The following PRR14L variants were observed in gnomAD, a reference collection of about 807,000 sequenced individuals.
PRR14L encodes protein PRR14L.
In PRR14L, 80 loss-of-function variants were observed where a neutral mutation model predicts 155.0. The ratio of observed to expected loss-of-function variants is 0.52; its 90% CI spans 0.43 to 0.62. PRR14L has a LOEUF of 0.62. PRR14L is among the 20% of genes least tolerant of loss of function. The probability of loss-of-function intolerance (pLI) is 0.00; values close to 1 mark genes in which losing one functional copy is unlikely to be tolerated. For synonymous variants in PRR14L, 883 were observed against 916.0 expected, an observed-to-expected ratio of 0.96 and a Z score of 0.65; for missense variants, 2,469 against 2,548.0, an observed-to-expected ratio of 0.97 and a Z score of 0.67.
Position 31,750,072 on chromosome 22 carries a change from C to T in PRR14L, c.-131G>A, listed in dbSNP as rs1447326003. The T allele has an allele frequency of 1.3e-5, 2 of 152,884 alleles. No individual in the cohort carries two copies. Among genetic ancestry groups the T allele is most frequent in the East Asian group, 3.8e-4 (2 of 5,216 alleles). 9.5% of individuals were successfully genotyped at this position (152,884 alleles called of 1,614,324 possible). A position where few individuals can be genotyped will look rare whatever the true frequency, so the allele number is the denominator to read the frequency against. The stretch of plus-strand genomic sequence containing the variant: ...GCAGCCCCGTCGTCGCCAGGTCTAC[C>T]TGAGCCTACGGAGCCGACAGAGGCC... On this transcript the variant is annotated 5_prime_UTR_variant, in exon 1 of 9. Transcript: ENST00000327423.
chr22:31,745,523 A>G (rs2074832968), intron 1 of PRR14L, among the ~76,000 whole-genome samples: 1 of 152,120 alleles, frequency 6.6e-6, no homozygotes. Context: ...CCTGAATGCA[A>G]TGGAGCAATC....
chr22:31,735,440 C>CAAA (rs11443258), intron 2 of PRR14L, among the ~76,000 whole-genome samples: 7 of 105,226 alleles, frequency 6.7e-5, no homozygotes, highest in Non-Finnish European at 4.1e-5. Flanking sequence ...GAATCTGTCT[C>CAAA]AAAAAAAAAA....
intron 2 of PRR14L, among the ~76,000 whole-genome samples, chr22:31,729,281 C>T (rs1027496168): frequency 3.3e-5 from 5 of 152,164 alleles, no homozygotes; most frequent in African/African-American, 7.2e-5. Context: ...GCACAACCTC[C>T]GCTCACTGCA....
chr22:31,708,995 G>T (rs2074606562), intron 4 of PRR14L, among the ~76,000 whole-genome samples: 1 of 151,710 alleles, frequency 6.6e-6, no homozygotes, highest in African/African-American at 2.4e-5. Context: ...GGCTAATTTT[G>T]TATTTTTAGT....
intron 3 of PRR14L, among the ~76,000 whole-genome samples, chr22:31,720,568 A>G (rs1157276274): frequency 6.6e-6 from 1 of 152,084 alleles, no homozygotes; most frequent in Non-Finnish European, 1.5e-5. Context: ...CCTTATCTCT[A>G]CTAAAAATAC....
In PRR14L at chr22:31,685,485, C is replaced by CA. The variant is rs757835522; in HGVS notation, c.*41dup. 3 of 1,359,614 alleles carry CA rather than the reference C, an allele frequency of 2.2e-6. No individual in the cohort carries two copies. Among genetic ancestry groups the CA allele is most frequent in the African/African-American group, 1.5e-5 (1 of 66,752 alleles). 84.2% of individuals were successfully genotyped at this position (1,359,614 alleles called of 1,614,324 possible). ...AAAAAAACCCAAAAACAAAACAAAA[C>CA]AAAAAAACCCTAAAATTGAGACCCT... On this transcript the variant is annotated 3_prime_UTR_variant, in exon 9 of 9. Coordinates refer to ENST00000327423, the MANE Select transcript of PRR14L (RefSeq NM_173566.3).
At chr22:31,711,032 T>G (rs1281580816) in intron 4 of PRR14L, among the ~76,000 whole-genome samples, 1 of 152,198 alleles carries the variant, frequency 6.6e-6, no homozygotes, top group African/African-American at 2.4e-5. Context: ...AAAAATATAT[T>G]TATTCTGTGT....
At chr22:31,697,613 T>G (rs914520282) in intron 7 of PRR14L, among the ~76,000 whole-genome samples, 1 of 152,010 alleles carries the variant, frequency 6.6e-6, no homozygotes, top group Non-Finnish European at 1.5e-5. Context: ...CACCAGTAAT[T>G]TGGGCACTTT....
rs2074630204 is a variant in PRR14L, at chr22:31,712,649, G to A, written c.5190C>T (p.Cys1730=). ...SFHVKSSSSD[C]TTESSRTFPE... is the part of the protein sequence containing the mutation. ...GAAAAGTCCTTGAGGACTCAGTCGTGCAATCTGAGCTGGATGATTTCACAT... is the reference window on the plus strand; with the variant it reads ...GAAAAGTCCTTGAGGACTCAGTCGTACAATCTGAGCTGGATGATTTCACAT... The change falls in exon 4 of 9, where the codon TGC becomes TGT. Residue 1730 remains cysteine (C), a synonymous_variant. Transcript: ENST00000327423. 6.4e-7 allele frequency: 1 copy of A among 1,551,674 alleles called. No individual in the cohort carries two copies. Among genetic ancestry groups the A allele is most frequent in the South Asian group, 1.2e-5 (1 of 84,070 alleles).
chr22:31,728,370 T>A (rs1385353305), intron 2 of PRR14L, among the ~76,000 whole-genome samples: 3 of 152,170 alleles, frequency 2.0e-5, no homozygotes, highest in Non-Finnish European at 4.4e-5. Context: ...CCCAGCACTT[T>A]GGGAGGCCGA....
chr22:31,707,209 T>C (rs1385442378), intron 4 of PRR14L, among the ~76,000 whole-genome samples: 1 of 151,756 alleles, frequency 6.6e-6, no homozygotes, highest in African/African-American at 2.4e-5. Flanking sequence ...AATAAAAAGC[T>C]AGAAATAGGG....
intron 1 of PRR14L, among the ~76,000 whole-genome samples, chr22:31,746,636 T>C (rs1041073961): frequency 9.2e-5 from 14 of 152,218 alleles, no homozygotes; most frequent in African/African-American, 3.1e-4. Flanking sequence ...ATAAGTACTA[T>C]ATTAGAATGT....
At chr22:31,744,403 G>A (rs2074827484) in intron 1 of PRR14L, among the ~76,000 whole-genome samples, 2 of 152,106 alleles carry the variant, frequency 1.3e-5, no homozygotes, top group Admixed American at 6.5e-5. Context: ...AAAGTGCTGG[G>A]ATTACAGGCG....
intron 1 of PRR14L, among the ~76,000 whole-genome samples, chr22:31,740,528 A>C (rs980544658): frequency 1.3e-5 from 2 of 151,694 alleles, no homozygotes; most frequent in African/African-American, 4.8e-5. Context: ...ACACCTGGCT[A>C]ATTTTTTTTT....
chr22:31,690,762 C>A (rs888018237), intron 7 of PRR14L, among the ~76,000 whole-genome samples: 4 of 151,550 alleles, frequency 2.6e-5, no homozygotes, highest in African/African-American at 9.7e-5. Flanking sequence ...CTGCCTCAGC[C>A]TCCTGAGTAG....
chr22:31,700,043 C>T (rs1193037205), intron 7 of PRR14L, among the ~76,000 whole-genome samples: 1 of 151,904 alleles, frequency 6.6e-6, no homozygotes, highest in East Asian at 1.9e-4. Context: ...ATTTGCCGGA[C>T]CCTTCTCGGT....
intron 7 of PRR14L, among the ~76,000 whole-genome samples, chr22:31,695,601 A>G (rs2074531741): frequency 6.6e-6 from 1 of 151,506 alleles, no homozygotes. Context: ...ATTTCCTGTC[A>G]CTCTCCTGAA....
rs931531475 is a variant in PRR14L at position 31,701,187 on chromosome 22, C to T, written c.6107+469G>A. ...ATTTTTAGTAGAGATGGGGTTTCTC[C>T]GTGTGGGTCAGGCTGGTCTCGAACT... On this transcript the variant is annotated intron_variant, in intron 7 of 8. Transcript: ENST00000327423. Among the ~76,000 whole-genome samples, 5 of 152,032 alleles carry T rather than the reference C, an allele frequency of 3.3e-5. No individual in the cohort carries two copies. In the South Asian group the frequency reaches 6.2e-4, roughly 19 times the overall value.
chr22:31,715,945 T>A lies in PRR14L; in HGVS notation c.1894A>T (p.Met632Leu). ...TCATTGGTACAAGAAAGTTCATTCATCTCACAGGCTATGCTCTGTTCATCT... is the reference window on the plus strand; with the variant it reads ...TCATTGGTACAAGAAAGTTCATTCAACTCACAGGCTATGCTCTGTTCATCT... ...LLDEQSIACEMNELSCTNELV... is the reference protein window; with the variant it reads ...LLDEQSIACELNELSCTNELV... Residue 632 changes from methionine (M) to leucine (L), a missense_variant, in exon 4 of 9, where the codon ATG (methionine) becomes TTG (leucine). Transcript: ENST00000327423. 1 of 1,551,786 alleles carries A rather than the reference T, an allele frequency of 6.4e-7. No individual in the cohort carries two copies. Among genetic ancestry groups the A allele is most frequent in the Non-Finnish European group, 8.7e-7 (1 of 1,146,966 alleles).
Sources: gnomAD v4.1 joint callset for allele counts (sites outside exome capture counted in the v4.1 genomes callset) on GRCh38, gnomAD v4.1.1 for gene constraint, MANE v1.5 for transcripts, NCBI Gene and HGNC (gene_info 2026-07-23, HGNC 2026-07-21) for gene names.